The following PIGL variants were observed in gnomAD, a reference collection of about 807,000 sequenced individuals.
PIGL encodes N-acetylglucosaminyl-phosphatidylinositol de-N-acetylase.
Under a neutral mutation model 31.1 loss-of-function variants are expected in PIGL, and 22 were observed. That is an observed-to-expected ratio of 0.71 (90% CI 0.51 to 1.01). PIGL has a LOEUF of 1.01. PIGL is among the 50% of genes least tolerant of loss of function. The probability of loss-of-function intolerance (pLI) is 0.00; values close to 1 mark genes in which losing one functional copy is unlikely to be tolerated. For missense variants in PIGL, 302 were observed against 315.9 expected, an observed-to-expected ratio of 0.96 and a Z score of 0.33; for synonymous variants, 131 against 117.4, an observed-to-expected ratio of 1.12 and a Z score of -0.75.
At chr17:16,322,243 G>A (rs1004550512) in intron 6 of PIGL, among the ~76,000 whole-genome samples, 19 of 151,914 alleles carry the variant, frequency 1.3e-4, no homozygotes, top group Non-Finnish European at 2.2e-4. Context: ...ATAGGGGCCC[G>A]CCACTTCGCC....
rs150650261 is a variant in PIGL at position 16,243,503 on chromosome 17, A to C, written c.335+9433A>C. On this transcript the variant is annotated intron_variant, in intron 2 of 6. Coordinates refer to ENST00000225609, the MANE Select transcript of PIGL (RefSeq NM_004278.4). ...GATCTTACTTGCTTCATGGTAAACT[A>C]CTGGGGTCACCACGGGAGAATTTCT... Among the ~76,000 whole-genome samples, 248 of 152,318 alleles carry C rather than the reference A, an allele frequency of 1.6e-3. 1 individual carries two copies. The highest frequency in any genetic ancestry group is 5.5e-3 in the African/African-American group (229 of 41,576).
intron 2 of PIGL, among the ~76,000 whole-genome samples, chr17:16,257,730 G>A (rs2092800311): frequency 6.6e-6 from 1 of 151,782 alleles, no homozygotes; most frequent in Non-Finnish European, 1.5e-5. Flanking sequence ...GGGTTTGAGA[G>A]AAGAGAGTAA....
At chr17:16,231,616 T>C (rs369455950) in intron 1 of PIGL, among the ~76,000 whole-genome samples, 2 of 152,134 alleles carry the variant, frequency 1.3e-5, no homozygotes, top group Admixed American at 1.3e-4. Context: ...TAAAATAAAA[T>C]GTTTACCCTT....
intron 2 of PIGL, among the ~76,000 whole-genome samples, chr17:16,288,044 A>T (rs1241826961): frequency 6.6e-6 from 1 of 152,222 alleles, no homozygotes; most frequent in Non-Finnish European, 1.5e-5. Flanking sequence ...AGCAGTACAT[A>T]ACAGTGCCCC....
chr17:16,234,530 G>A lies in PIGL; in HGVS notation c.335+460G>A, dbSNP rs1396474437. On this transcript the variant is annotated intron_variant, in intron 2 of 6. Coordinates refer to ENST00000225609, the MANE Select transcript of PIGL (RefSeq NM_004278.4). ...TGTAATCCCAGCACTTTGGGAGGCCGAGGTGGGCAGATCACCTCAGGTCAG... is the reference window on the plus strand; with the variant it reads ...TGTAATCCCAGCACTTTGGGAGGCCAAGGTGGGCAGATCACCTCAGGTCAG... 3.3e-5 allele frequency among the ~76,000 whole-genome samples: 5 copies of A among 152,302 alleles called. No homozygotes were observed. In the East Asian group the frequency reaches 5.8e-4, roughly 18 times the overall value.
chr17:16,270,228 G>A (rs1057133406), intron 2 of PIGL, among the ~76,000 whole-genome samples: 3 of 151,440 alleles, frequency 2.0e-5, no homozygotes, highest in African/African-American at 7.3e-5. Context: ...GGCGGAGGTT[G>A]CAGTGAGCCG....
At chr17:16,260,233 G>A (rs1159846792) in intron 2 of PIGL, among the ~76,000 whole-genome samples, 6 of 152,354 alleles carry the variant, frequency 3.9e-5, no homozygotes, top group East Asian at 1.9e-4. Flanking sequence ...AGACAGGCTC[G>A]TGGACTGAAA....
chr17:16,282,426 G>C (rs554033113), intron 2 of PIGL, among the ~76,000 whole-genome samples: 19 of 152,016 alleles, frequency 1.2e-4, no homozygotes, highest in African/African-American at 4.6e-4. Flanking sequence ...TTTTTCACCA[G>C]TCTAGTTACT....
intron 3 of PIGL, among the ~76,000 whole-genome samples, chr17:16,303,193 C>G (rs966629875): frequency 6.6e-6 from 1 of 152,196 alleles, no homozygotes; most frequent in African/African-American, 2.4e-5. Flanking sequence ...TTGATGAGCC[C>G]TTTTTGAGGC....
intron 2 of PIGL, among the ~76,000 whole-genome samples, chr17:16,254,119 G>C (rs1025763411): frequency 6.6e-6 from 1 of 151,912 alleles, no homozygotes; most frequent in South Asian, 2.1e-4. Context: ...CCTTCATCTT[G>C]TCCCTCTAGC....
intron 2 of PIGL, among the ~76,000 whole-genome samples, chr17:16,256,939 CA>C (rs2092796315): frequency 6.6e-6 from 1 of 152,040 alleles, no homozygotes; most frequent in South Asian, 2.1e-4. Context: ...CTGCCCACTT[CA>C]GCCTCCTAAA....
chr17:16,305,303 C>CA (rs1258938907), intron 3 of PIGL, among the ~76,000 whole-genome samples: 8 of 151,724 alleles, frequency 5.3e-5, no homozygotes, highest in Non-Finnish European at 1.0e-4. Flanking sequence ...AAAAAACAAA[C>CA]AAAAAAAACC....
intron 2 of PIGL, among the ~76,000 whole-genome samples, chr17:16,279,067 G>A (rs1199128562): frequency 6.6e-6 from 1 of 152,174 alleles, no homozygotes; most frequent in East Asian, 1.9e-4. Context: ...TCATAAGCAG[G>A]TACAGCCAAA....
At chr17:16,228,106 C>T (rs2092660848) in intron 1 of PIGL, among the ~76,000 whole-genome samples, 2 of 145,902 alleles carry the variant, frequency 1.4e-5, no homozygotes, top group South Asian at 4.3e-4. Context: ...CACTAGAGTG[C>T]AATGGCATGA....
chr17:16,254,714 C>A (rs796305563), intron 2 of PIGL, among the ~76,000 whole-genome samples: 6 of 152,284 alleles, frequency 3.9e-5, no homozygotes, highest in African/African-American at 1.4e-4. Context: ...ACGCCATTCT[C>A]CTGCCTCAGC....
At position 16,313,627 on chromosome 17, in the gene PIGL, G is replaced by T. The variant is rs764719791; in HGVS notation, c.494+13G>T. On this transcript the variant is annotated intron_variant, in intron 4 of 6. Transcript: ENST00000225609. ...ATGCAGCTGTGAGGTATGATTCTCC[G>T]GGTGATGGATGTGGGGGAGGGTTTG... is the stretch of plus-strand genomic sequence containing the variant. 3 of 1,600,030 alleles carry T rather than the reference G, an allele frequency of 1.9e-6. No homozygotes were observed. Among genetic ancestry groups the T allele is most frequent in the East Asian group, 2.2e-5 (1 of 44,822 alleles).
At chr17:16,249,438 CCG>C in intron 2 of PIGL, among the ~76,000 whole-genome samples, 1 of 152,282 alleles carries the variant, frequency 6.6e-6, no homozygotes, top group East Asian at 1.9e-4. Flanking sequence ...CAAGATCATG[CCG>C]TCACACTCCA....
chr17:16,220,591 C>T (rs1018111276), intron 1 of PIGL, among the ~76,000 whole-genome samples: 4 of 147,524 alleles, frequency 2.7e-5, no homozygotes, highest in Admixed American at 6.9e-5. Context: ...CAGGTTCAAG[C>T]GATTTTCCTG....
intron 1 of PIGL, among the ~76,000 whole-genome samples, chr17:16,230,053 G>A (rs2092672097): frequency 6.6e-6 from 1 of 151,824 alleles, no homozygotes; most frequent in Non-Finnish European, 1.5e-5. Flanking sequence ...AGTAGAGATG[G>A]GGTTTCACTA....
Sources: allele counts gnomAD v4.1 joint callset (sites outside exome capture counted in the v4.1 genomes callset), GRCh38; gene constraint gnomAD v4.1.1; transcripts MANE v1.5; gene names NCBI Gene and HGNC (gene_info 2026-07-23, HGNC 2026-07-21).